Variants in PTPRB observed in about 807,000 individuals in gnomAD.
PTPRB encodes the protein protein tyrosine phosphatase receptor type B, also known as receptor-type tyrosine-protein phosphatase beta.
A neutral mutation model predicts 238.1 loss-of-function variants in PTPRB; 97 were observed. The observed-to-expected ratio is 0.41, with a 90% confidence interval of 0.35 to 0.48. PTPRB has a LOEUF of 0.48. PTPRB is among the 20% of genes least tolerant of loss of function. PTPRB has a pLI of 0.30. For missense variants in PTPRB, 2,292 were observed against 2,681.9 expected (o/e 0.85, Z 3.21); for synonymous variants, 970 against 995.4 (o/e 0.97, Z 0.48).
intron 11 of PTPRB, among the ~76,000 whole-genome samples, chr12:70,573,500 CTTTTCTTT>C (rs1880330896): frequency 8.2e-6 from 1 of 121,976 alleles, no homozygotes; most frequent in Non-Finnish European, 1.7e-5. Context: ...TTTTTCTTTT[CTTTTCTTT>C]TTTTTTTTTT....
At chr12:70,600,881 T>C (rs1883418045) in intron 4 of PTPRB, among the ~76,000 whole-genome samples, 1 of 151,858 alleles carries the variant, frequency 6.6e-6, no homozygotes, top group South Asian at 2.1e-4. Context: ...TTTTCTTTTT[T>C]TTTTGAGATG....
chr12:70,575,456 G>A (rs1008594003), intron 11 of PTPRB, among the ~76,000 whole-genome samples: 1 of 152,056 alleles, frequency 6.6e-6, no homozygotes, highest in Non-Finnish European at 1.5e-5. Context: ...ACAATTTCAG[G>A]GGTTACTACA....
At chr12:70,576,677 G>GGGGGT (rs1880791555) in intron 10 of PTPRB, 32 bp from the exon 11 acceptor site, 4 of 233,686 alleles carry the variant, frequency 1.7e-5, no homozygotes, top group African/African-American at 1.6e-4. Flanking sequence ...GGCGGGGGGG[G>GGGGGT]GGGGGAAGGG....
Position 70,540,732 on chromosome 12 carries a change from A to G in PTPRB, c.5594+126T>C, listed in dbSNP as rs545227492. 40 of 719,884 alleles carry G rather than the reference A, an allele frequency of 5.6e-5. 4 individuals carry two copies. The South Asian group carries it at 7.1e-4, about 13-fold the overall frequency. 44.6% of individuals were successfully genotyped at this position (719,884 alleles called of 1,614,324 possible). A position where few individuals can be genotyped will look rare whatever the true frequency, so the allele number is the denominator to read the frequency against. On this transcript the variant is annotated intron_variant, in intron 23 of 33. Transcript: ENST00000334414. ...TAGAGTTTGACTTGTTTTTATTGAG[A>G]AAACAGTGACAATTTAACCTGGAAA...
chr12:70,539,329 C>A, intron 26 of PTPRB: 1 of 536,376 alleles, frequency 1.9e-6, no homozygotes. Flanking sequence ...AAGCAAATGG[C>A]CAGGCTGAAT....
At chr12:70,588,117 A>AAG (rs1337658665) in intron 8 of PTPRB, among the ~76,000 whole-genome samples, 4 of 149,854 alleles carry the variant, frequency 2.7e-5, no homozygotes, top group African/African-American at 1.0e-4. Flanking sequence ...AAAAAAAGAA[A>AAG]AGAAAAGAAA....
rs1050883544 is a variant in PTPRB, at chr12:70,515,939, TA to T, written c.*5549del. 7.3e-5 allele frequency: 11 copies of T among 151,672 alleles called. No homozygotes were observed. The highest frequency in any genetic ancestry group is 6.6e-4 in the Admixed American group (10 of 15,198). The allele number at this position is 151,672 out of a possible 1,614,324, so 9.4% of individuals were successfully genotyped here. Reference sequence around the variant, plus strand: ...CAAGATGCTATATAGATTTTTTTTTTACCACAGTTACAAATATAAAAATGTA... The same window carrying T: ...CAAGATGCTATATAGATTTTTTTTTTCCACAGTTACAAATATAAAAATGTA... On this transcript the variant is annotated 3_prime_UTR_variant, in exon 34 of 34. Coordinates refer to ENST00000334414, the MANE Select transcript of PTPRB (RefSeq NM_001109754.4).
rs1417587968 is a variant in PTPRB, at chr12:70,535,874, TAG to T, written c.6081+149_6081+150del. 34 of 889,286 alleles carry T rather than the reference TAG, an allele frequency of 3.8e-5. No homozygotes were observed. In the Middle Eastern group the frequency reaches 1.8e-3, roughly 47 times the overall value. The allele number at this position is 889,286 out of a possible 1,614,324, so 55.1% of individuals were successfully genotyped here. ...ATCAGGCATCACTTGGGTTTACTAT[TAG>T]AGTCTTTTGAACAGAGTGGTATAAG... On this transcript the variant is annotated intron_variant, in intron 29 of 33. Coordinates refer to ENST00000334414, the MANE Select transcript of PTPRB (RefSeq NM_001109754.4).
At chr12:70,579,079 C>T (rs1358085890) in intron 10 of PTPRB, among the ~76,000 whole-genome samples, 1 of 152,200 alleles carries the variant, frequency 6.6e-6, no homozygotes, top group Admixed American at 6.5e-5. Flanking sequence ...CCACATTATA[C>T]AGTGTCTAAG....
intron 21 of PTPRB, among the ~76,000 whole-genome samples, chr12:70,548,318 ACTCTCTCT>A (rs71457058): frequency 2.0e-4 from 25 of 127,842 alleles, no homozygotes; most frequent in African/African-American, 5.2e-4. Flanking sequence ...ACACAGCAAG[ACTCTCTCT>A]CTCTCTCTCT....
chr12:70,528,143 T>A (rs1872673563), intron 32 of PTPRB, among the ~76,000 whole-genome samples: 1 of 152,204 alleles, frequency 6.6e-6, no homozygotes, highest in Non-Finnish European at 1.5e-5. Flanking sequence ...TTTATCTTAC[T>A]GCAATGTTTA....
intron 4 of PTPRB, among the ~76,000 whole-genome samples, chr12:70,603,600 T>G (rs1478712583): frequency 6.6e-6 from 1 of 152,164 alleles, no homozygotes; most frequent in Non-Finnish European, 1.5e-5. Flanking sequence ...TTCGTAAACA[T>G]TGTCAGTTAA....
In PTPRB at chr12:70,520,170, C is replaced by T. The variant is rs763777222; in HGVS notation, c.*1319G>A. 3.6e-5 allele frequency: 17 copies of T among 466,772 alleles called. No homozygotes were observed. Among genetic ancestry groups the T allele is most frequent in the African/African-American group, 1.4e-4 (7 of 50,878 alleles). 28.9% of individuals were successfully genotyped at this position (466,772 alleles called of 1,614,324 possible). A position where few individuals can be genotyped will look rare whatever the true frequency, so the allele number is the denominator to read the frequency against. On this transcript the variant is annotated 3_prime_UTR_variant, in exon 34 of 34. Coordinates refer to ENST00000334414, the MANE Select transcript of PTPRB (RefSeq NM_001109754.4). Reference sequence around the variant, plus strand: ...TCTTCTCAGGTATCTATGAAGATTCCGTACAAACTCCTTTCAAATTTTTCC... The same window carrying T: ...TCTTCTCAGGTATCTATGAAGATTCTGTACAAACTCCTTTCAAATTTTTCC...
rs1482087829 is a variant in PTPRB at position 70,560,367 on chromosome 12, G to A, written c.4432+304C>T. On this transcript the variant is annotated intron_variant, in intron 17 of 33. Coordinates refer to ENST00000334414, the MANE Select transcript of PTPRB (RefSeq NM_001109754.4). The surrounding 1 kb of genome is among the most constrained non-coding windows in gnomAD (Gnocchi z 4.2). Reference sequence around the variant, plus strand: ...GTGCCCATGACATAAAAACAGTTAGGAAGCACTGGTGATAGCCACACAGTG... The same window carrying A: ...GTGCCCATGACATAAAAACAGTTAGAAAGCACTGGTGATAGCCACACAGTG... Among the ~76,000 whole-genome samples the A allele has an allele frequency of 6.6e-6, 1 of 152,188 alleles. No homozygotes were observed. Among genetic ancestry groups the A allele is most frequent in the African/African-American group, 2.4e-5 (1 of 41,448 alleles).
At chr12:70,549,606 G>A (rs779468849) in intron 21 of PTPRB, among the ~76,000 whole-genome samples, 1 of 151,988 alleles carries the variant, frequency 6.6e-6, no homozygotes, top group African/African-American at 2.4e-5. Context: ...CCACCTATTC[G>A]CTTTGGAAAA....
intron 8 of PTPRB, among the ~76,000 whole-genome samples, chr12:70,587,492 G>A (rs949930361): frequency 2.0e-5 from 3 of 152,166 alleles, no homozygotes; most frequent in Non-Finnish European, 4.4e-5. Flanking sequence ...AAGAGTCATT[G>A]ATTTTTGACT....
intron 4 of PTPRB, 73 bp from the exon 5 acceptor site, chr12:70,596,400 A>G (rs1883035555): frequency 7.7e-7 from 1 of 1,292,260 alleles, no homozygotes; most frequent in Non-Finnish European, 9.9e-7. Context: ...CATGGCTTGA[A>G]GACTTTTGCA....
intron 3 of PTPRB, among the ~76,000 whole-genome samples, chr12:70,614,680 T>G (rs759552363): frequency 6.6e-6 from 1 of 152,176 alleles, no homozygotes; most frequent in East Asian, 1.9e-4. Flanking sequence ...GTAGTTTTGT[T>G]ATGCAAACCT....
Position 70,534,481 on chromosome 12 carries a change from C to T in PTPRB, c.6368+7G>A, listed in dbSNP as rs770199452. The T allele has an allele frequency of 1.2e-6, 2 of 1,610,848 alleles. No individual in the cohort carries two copies. Among genetic ancestry groups the T allele is most frequent in the South Asian group, 1.1e-5 (1 of 90,620 alleles). On this transcript the variant is annotated splice_region_variant and intron_variant, in intron 31 of 33. Coordinates refer to ENST00000334414, the MANE Select transcript of PTPRB (RefSeq NM_001109754.4). ...GCCATTTTATTGGCTGCTAGGTTTC[C>T]TAGTACCTGCAGTGCACCACAGTGG...
Sources: gnomAD v4.1 joint callset for allele counts (sites outside exome capture counted in the v4.1 genomes callset) on GRCh38, gnomAD v4.1.1 for gene constraint, Gnocchi (gnomAD v3.1) non-coding constraint, MANE v1.5 for transcripts, NCBI Gene and HGNC (gene_info 2026-07-23, HGNC 2026-07-21) for gene names.